EVI5L: variants seen among roughly 807,000 people sequenced by gnomAD.
EVI5L encodes the protein ecotropic viral integration site 5 like, also known as EVI5-like protein.
EVI5L carries 30 observed loss-of-function variants against 106.1 expected under a neutral mutation model. The observed-to-expected ratio is 0.28, with a 90% CI of 0.21 to 0.38. The LOEUF (loss-of-function observed/expected upper bound fraction) is 0.38, where lower values mean the gene tolerates loss of function less well. EVI5L is among the 10% of genes least tolerant of loss of function. The pLI is 1.00. For synonymous variants in EVI5L, 489 were observed against 483.3 expected (o/e 1.01, Z -0.15); for missense variants, 809 against 1,098.0 (o/e 0.74, Z 3.72).
chr19:7,831,261 ACACACACACACAG>A (rs1978292516), intron 1 of EVI5L, among the ~76,000 whole-genome samples: 2 of 128,356 alleles, frequency 1.6e-5, no homozygotes, highest in Non-Finnish European at 3.4e-5. Flanking sequence ...ACACACACAC[ACACACACACACAG>A]TCACTTAGAT....
rs1284367482 is a variant in EVI5L at position 7,835,143 on chromosome 19, TAAAATA to T, written c.-48+4777_-48+4782del. ...CAAAACAAGACCCTGTCTCTAAAAA[TAAAATA>T]AAAATAAAAATAAACAAAAAAAATT... On this transcript the variant is annotated intron_variant, in intron 1 of 19. Coordinates refer to ENST00000538904, the MANE Select transcript of EVI5L (RefSeq NM_001159944.3). This position sits in a 1 kb window ranked among gnomAD's most constrained non-coding sequence, Gnocchi z 4.1. Among the ~76,000 whole-genome samples the T allele has an allele frequency of 2.7e-5, 4 of 148,986 alleles. No individual in the cohort carries two copies. The highest frequency in any genetic ancestry group is 6.0e-5 in the Non-Finnish European group (4 of 67,188).
rs1229116276 is a variant in EVI5L, at chr19:7,845,200, G to T, written c.-47-1296G>T. 6.6e-6 allele frequency among the ~76,000 whole-genome samples: 1 copy of T among 152,174 alleles called. No individual in the cohort carries two copies. The highest frequency in any genetic ancestry group is 1.5e-5 in the Non-Finnish European group (1 of 68,024). Reference sequence around the variant, plus strand: ...GTGCCGGGCAGTGGGCGGGCATGAGGAGCCGTGCAAATAAGGAGGCAGGAG... The same window carrying T: ...GTGCCGGGCAGTGGGCGGGCATGAGTAGCCGTGCAAATAAGGAGGCAGGAG... On this transcript the variant is annotated intron_variant, in intron 1 of 19. Transcript: ENST00000538904. This position sits in a 1 kb window ranked among gnomAD's most constrained non-coding sequence, Gnocchi z 4.0.
intron 1 of EVI5L, among the ~76,000 whole-genome samples, chr19:7,842,477 C>A (rs1393917233): frequency 6.8e-6 from 1 of 147,158 alleles, no homozygotes; most frequent in Non-Finnish European, 1.5e-5. Flanking sequence ...CAAGTGTGTG[C>A]ATGTGTGTGG....
chr19:7,841,194 A>G (rs1326380573), intron 1 of EVI5L, among the ~76,000 whole-genome samples: 1 of 151,918 alleles, frequency 6.6e-6, no homozygotes, highest in Non-Finnish European at 1.5e-5. Context: ...GGGCTGATGG[A>G]GCTGTTCTGG....
intron 5 of EVI5L, 92 bp downstream of exon 5, chr19:7,849,422 A>C (rs1568238686): frequency 7.3e-7 from 1 of 1,376,650 alleles, no homozygotes; most frequent in Admixed American, 1.9e-5. Flanking sequence ...CGTGTCCTCC[A>C]CCCAGCGTCT....
In EVI5L at chr19:7,858,449, C is replaced by T; in HGVS notation, c.1374+118C>T. ...CGCCTCAGCACCTGGCCCTCCTGTT[C>T]CTTTCTGGGGTAAGGGGAACCCAGA... On this transcript the variant is annotated intron_variant, in intron 13 of 19. Coordinates refer to ENST00000538904, the MANE Select transcript of EVI5L (RefSeq NM_001159944.3). The surrounding 1 kb of genome is among the most constrained non-coding windows in gnomAD (Gnocchi z 5.7). 7.5e-7 allele frequency: 1 copy of T among 1,328,110 alleles called. No homozygotes were observed. Among genetic ancestry groups the T allele is most frequent in the Non-Finnish European group, 1.0e-6 (1 of 1,000,842 alleles). The allele number at this position is 1,328,110 out of a possible 1,614,324, so 82.3% of individuals were successfully genotyped here.
chr19:7,860,162 G>A (rs1333701192), intron 13 of EVI5L, among the ~76,000 whole-genome samples: 1 of 152,194 alleles, frequency 6.6e-6, no homozygotes, highest in Non-Finnish European at 1.5e-5. Context: ...GAGGTGGAAA[G>A]ACAGGTGCAC....
Position 7,848,778 on chromosome 19 carries a change from G to A in EVI5L, c.328-143G>A, listed in dbSNP as rs1979084883. ...AGGGAGACCCTGTCTCTGAAAAAAG[G>A]GGGTAAAAAAAGGATTGGGGACCAT... On this transcript the variant is annotated intron_variant, in intron 3 of 19. Coordinates refer to ENST00000538904, the MANE Select transcript of EVI5L (RefSeq NM_001159944.3). The surrounding 1 kb of genome is among the most constrained non-coding windows in gnomAD (Gnocchi z 4.8). The A allele has an allele frequency of 1.4e-6, 1 of 720,270 alleles. No homozygotes were observed. The highest frequency in any genetic ancestry group is 1.8e-5 in the African/African-American group (1 of 56,244). The allele number at this position is 720,270 out of a possible 1,614,324, so 44.6% of individuals were successfully genotyped here. A position where few individuals can be genotyped will look rare whatever the true frequency, so the allele number is the denominator to read the frequency against.
rs1468654051 is a variant in EVI5L, at chr19:7,835,086, A to G, written c.-48+4705A>G. On this transcript the variant is annotated intron_variant, in intron 1 of 19. Coordinates refer to ENST00000538904, the MANE Select transcript of EVI5L (RefSeq NM_001159944.3). The surrounding 1 kb of genome is among the most constrained non-coding windows in gnomAD (Gnocchi z 4.1). Reference sequence around the variant, plus strand: ...CAGGAGTTGGAGCCTGCAGTTGGCTATGATTGTACCACTATACTGCAGCCT... The same window carrying G: ...CAGGAGTTGGAGCCTGCAGTTGGCTGTGATTGTACCACTATACTGCAGCCT... 6.6e-6 allele frequency among the ~76,000 whole-genome samples: 1 copy of G among 152,082 alleles called. No individual in the cohort carries two copies. The highest frequency in any genetic ancestry group is 1.9e-4 in the East Asian group (1 of 5,202).
chr19:7,855,295 T>A (rs1031840346), intron 10 of EVI5L, among the ~76,000 whole-genome samples: 1 of 152,058 alleles, frequency 6.6e-6, no homozygotes, highest in Non-Finnish European at 1.5e-5. Context: ...TTTGTGTTTT[T>A]AGTAGAGGCT....
At position 7,851,499 on chromosome 19, in the gene EVI5L, G is replaced by C; in HGVS notation, c.819G>C (p.Ser273=). ...GCTTCCACACATCCATGTATGCCTCGTCCTGGTTCCTCACACTGTTCCTGA... is the reference window on the plus strand; with the variant it reads ...GCTTCCACACATCCATGTATGCCTCCTCCTGGTTCCTCACACTGTTCCTGA... ...SQSFHTSMYA[S]SWFLTLFLTT... Residue 273 remains serine, a synonymous_variant, in exon 7 of 20, where the codon TCG becomes TCC. Transcript: ENST00000538904. 1 of 1,613,316 alleles carries C rather than the reference G, an allele frequency of 6.2e-7. No homozygotes were observed.
rs1005738276 is a variant in EVI5L at position 7,848,816 on chromosome 19, A to G, written c.328-105A>G. ...GATTGGGGACCATGAGTTCTGTGCC[A>G]TGCTTGAGGCCTGGATGAGCCACGC... On this transcript the variant is annotated intron_variant, in intron 3 of 19. Transcript: ENST00000538904. The surrounding 1 kb of genome is among the most constrained non-coding windows in gnomAD (Gnocchi z 4.8). 1.8e-5 allele frequency: 19 copies of G among 1,043,192 alleles called. No individual in the cohort carries two copies. The Admixed American group carries it at 4.1e-4, about 22-fold the overall frequency. The allele number at this position is 1,043,192 out of a possible 1,614,324, so 64.6% of individuals were successfully genotyped here. A position where few individuals can be genotyped will look rare whatever the true frequency, so the allele number is the denominator to read the frequency against.
chr19:7,855,419 C>T (rs1382529463), intron 10 of EVI5L, among the ~76,000 whole-genome samples: 1 of 152,204 alleles, frequency 6.6e-6, no homozygotes, highest in Non-Finnish European at 1.5e-5. Context: ...AGCCAAAATC[C>T]ATCAGCACAG....
rs1321384889 is a variant in EVI5L, at chr19:7,845,042, G to T, written c.-47-1454G>T. 6.6e-6 allele frequency among the ~76,000 whole-genome samples: 1 copy of T among 152,044 alleles called. No individual in the cohort carries two copies. The highest frequency in any genetic ancestry group is 1.5e-5 in the Non-Finnish European group (1 of 68,012). ...GTATAGAGTGGTCTGCTATGGTCCC[G>T]CCAATGTCCCCCTGCTGCCTGGGGA... On this transcript the variant is annotated intron_variant, in intron 1 of 19. Transcript: ENST00000538904. The surrounding 1 kb of genome is among the most constrained non-coding windows in gnomAD (Gnocchi z 4.0).
intron 1 of EVI5L, among the ~76,000 whole-genome samples, chr19:7,832,913 T>C (rs1978299959): frequency 6.6e-6 from 1 of 152,154 alleles, no homozygotes; most frequent in Non-Finnish European, 1.5e-5. Context: ...AAGAGGTTTG[T>C]TCTGTCCACT....
chr19:7,836,739 G>A (rs994288826), intron 1 of EVI5L, among the ~76,000 whole-genome samples: 6 of 151,616 alleles, frequency 4.0e-5, no homozygotes, highest in Non-Finnish European at 4.4e-5. Flanking sequence ...CCTGGGTTCA[G>A]CCTCAGGAGT....
At position 7,832,503 on chromosome 19, in the gene EVI5L, G is replaced by A. The variant is rs577186521; in HGVS notation, c.-48+2122G>A. The stretch of plus-strand genomic sequence containing the variant: ...TCGGAAACTGGGGTGCGGGGAGAGC[G>A]GCTAAATTTTTAGAACAGAACTTGG... On this transcript the variant is annotated intron_variant, in intron 1 of 19. Coordinates refer to ENST00000538904, the MANE Select transcript of EVI5L (RefSeq NM_001159944.3). Among the ~76,000 whole-genome samples the A allele has an allele frequency of 7.2e-5, 11 of 152,258 alleles. No individual in the cohort carries two copies. The East Asian group carries it at 1.5e-3, about 21-fold the overall frequency.
intron 2 of EVI5L, among the ~76,000 whole-genome samples, chr19:7,847,528 G>A (rs1979010076): frequency 1.3e-5 from 2 of 152,112 alleles, no homozygotes; most frequent in Admixed American, 6.5e-5. Flanking sequence ...AGAGGTTGCA[G>A]TGAGCTGAGA....
chr19:7,842,973 CTATGGA>C (rs1978715853), intron 1 of EVI5L, among the ~76,000 whole-genome samples: 1 of 150,302 alleles, frequency 6.7e-6, no homozygotes, highest in Non-Finnish European at 1.5e-5. Flanking sequence ...AAACGTGTGA[CTATGGA>C]TGAGCACGTG....
Sources: allele counts gnomAD v4.1 joint callset (sites outside exome capture counted in the v4.1 genomes callset), GRCh38; gene constraint gnomAD v4.1.1; non-coding constraint Gnocchi (gnomAD v3.1); transcripts MANE v1.5; gene names NCBI Gene and HGNC (gene_info 2026-07-23, HGNC 2026-07-21).